The following EPS15 variants were observed in gnomAD, a reference collection of about 807,000 sequenced individuals.
EPS15 encodes the protein epidermal growth factor receptor substrate 15.
Under a neutral mutation model 113.8 loss-of-function variants are expected in EPS15, and 72 were observed. The observed-to-expected ratio is 0.63, with a 90% CI of 0.52 to 0.77. The LOEUF (loss-of-function observed/expected upper bound fraction) is 0.77. Among genes scored for constraint, EPS15 ranks in the 30% least tolerant of loss-of-function variants. The pLI, the probability that EPS15 is intolerant of heterozygous loss-of-function variation, is 0.00. For synonymous variants in EPS15, 344 were observed against 363.4 expected (o/e 0.95, Z 0.61); for missense variants, 1,048 against 1,045.8 (o/e 1.00, Z -0.03).
intron 21 of EPS15, among the ~76,000 whole-genome samples, chr1:51,384,294 CTTTCTTTT>C (rs1647009245): frequency 1.0e-5 from 1 of 98,524 alleles, no homozygotes; most frequent in Non-Finnish European, 2.0e-5. Context: ...CTTTTTCTTT[CTTTCTTTT>C]TTTTTTTTTT....
At chr1:51,451,798 T>G (rs1419500476) in intron 8 of EPS15, among the ~76,000 whole-genome samples, 1 of 152,178 alleles carries the variant, frequency 6.6e-6, no homozygotes, top group African/African-American at 2.4e-5. Flanking sequence ...AAGTTTTCCA[T>G]AACTATCTTT....
chr1:51,471,601 T>C, intron 4 of EPS15, 89 bp downstream of exon 4: 1 of 1,059,220 alleles, frequency 9.4e-7, no homozygotes, highest in Non-Finnish European at 1.4e-6. Context: ...AAAAACCAAT[T>C]CTTGGCTTCA....
chr1:51,479,879 C>G (rs1020108556), intron 2 of EPS15, among the ~76,000 whole-genome samples: 2 of 152,126 alleles, frequency 1.3e-5, no homozygotes, highest in Admixed American at 6.6e-5. Flanking sequence ...CCTAGCCTCA[C>G]GGGTAGTAAA....
rs201374174 is a variant in EPS15, at chr1:51,384,294, C to CTTT, written c.2119+10084_2119+10086dup. Among the ~76,000 whole-genome samples, 635 of 98,360 alleles carry CTTT rather than the reference C, an allele frequency of 6.5e-3. 22 individuals are homozygous for CTTT. Among genetic ancestry groups the CTTT allele is most frequent in the African/African-American group, 0.024 (602 of 24,838 alleles). 64.5% of individuals were successfully genotyped at this position (98,360 alleles called of 152,430 possible). On this transcript the variant is annotated intron_variant, in intron 21 of 24. Coordinates refer to ENST00000371733, the MANE Select transcript of EPS15 (RefSeq NM_001981.3). ...CAAAGCAGTCTTTTTCTTTTTCTTTCTTTCTTTTTTTTTTTTTTTTTTTTG... is the reference window on the plus strand; with the variant it reads ...CAAAGCAGTCTTTTTCTTTTTCTTTCTTTTTTCTTTTTTTTTTTTTTTTTTTTG...
chr1:51,380,164 C>T (rs1026067834), intron 21 of EPS15, among the ~76,000 whole-genome samples: 1 of 151,042 alleles, frequency 6.6e-6, no homozygotes, highest in Non-Finnish European at 1.5e-5. Flanking sequence ...GCAGACGTTG[C>T]AGTGAGCCGA....
Position 51,519,254 on chromosome 1 carries a change from G to T in EPS15, c.-23C>A. 1.5e-6 allele frequency: 2 copies of T among 1,347,760 alleles called. No individual in the cohort carries two copies. The highest frequency in any genetic ancestry group is 2.8e-5 in the Admixed American group (1 of 35,710). The allele number at this position is 1,347,760 out of a possible 1,614,324, so 83.5% of individuals were successfully genotyped here. Reference sequence around the variant, plus strand: ...CATGGTGTTTCCATCATGCAAGGGAGGGGAAGGAAGACGGGCTGACTGGGG... The same window carrying T: ...CATGGTGTTTCCATCATGCAAGGGATGGGAAGGAAGACGGGCTGACTGGGG... On this transcript the variant is annotated 5_prime_UTR_variant, in exon 1 of 25. Coordinates refer to ENST00000371733, the MANE Select transcript of EPS15 (RefSeq NM_001981.3).
intron 20 of EPS15, among the ~76,000 whole-genome samples, chr1:51,398,718 A>G (rs1334142816): frequency 1.3e-5 from 2 of 152,210 alleles, no homozygotes; most frequent in Admixed American, 6.5e-5. Context: ...ACATTTCAGA[A>G]AAGTTTTATG....
chr1:51,478,116 T>G (rs948094464), intron 2 of EPS15, among the ~76,000 whole-genome samples: 7 of 152,226 alleles, frequency 4.6e-5, no homozygotes, highest in Admixed American at 3.3e-4. Context: ...TCTAAGGACT[T>G]GCTTTATGAA....
chr1:51,408,409 ATTTATTTGTTTAG>A, intron 14 of EPS15, 77 bp from the exon 15 acceptor site: 1 of 1,061,098 alleles, frequency 9.4e-7, no homozygotes, highest in South Asian at 1.3e-5. Flanking sequence ...AATGCAATAC[ATTTATTTGTTTAG>A]TTTACTATTT....
In EPS15 at chr1:51,399,729, C is replaced by T. The variant is rs376474908; in HGVS notation, c.1919-564G>A. 5.3e-5 allele frequency among the ~76,000 whole-genome samples: 8 copies of T among 152,062 alleles called. No homozygotes were observed. The East Asian group carries it at 7.7e-4, about 15-fold the overall frequency. On this transcript the variant is annotated intron_variant, in intron 19 of 24. Coordinates refer to ENST00000371733, the MANE Select transcript of EPS15 (RefSeq NM_001981.3). ...CAAAAATTAGCCAGGCGTGGTGGTG[C>T]GCGCCCGTAATCCTGGCTATTCGGG...
chr1:51,397,628 A>G (rs1172988830), intron 20 of EPS15, among the ~76,000 whole-genome samples: 1 of 152,218 alleles, frequency 6.6e-6, no homozygotes, highest in Non-Finnish European at 1.5e-5. Context: ...CAGCCCAGGG[A>G]AACGAAAAAT....
intron 2 of EPS15, among the ~76,000 whole-genome samples, chr1:51,473,853 C>T (rs995654437): frequency 1.3e-5 from 2 of 152,076 alleles, no homozygotes; most frequent in African/African-American, 4.8e-5. Flanking sequence ...TCAAGTGGTA[C>T]AACATGGGAA....
At chr1:51,456,265 T>C (rs1381818856) in intron 8 of EPS15, among the ~76,000 whole-genome samples, 2 of 152,190 alleles carry the variant, frequency 1.3e-5, no homozygotes, top group Non-Finnish European at 2.9e-5. Context: ...TTTTAAAAAA[T>C]CTATACTGAA....
chr1:51,419,543 T>C (rs1055573561), intron 13 of EPS15, among the ~76,000 whole-genome samples: 1 of 152,000 alleles, frequency 6.6e-6, no homozygotes, highest in African/African-American at 2.4e-5. Flanking sequence ...TACTGATAGG[T>C]CAAAATTCCC....
chr1:51,428,470 T>C (rs1247559284), intron 12 of EPS15, among the ~76,000 whole-genome samples: 1 of 151,512 alleles, frequency 6.6e-6, no homozygotes, highest in South Asian at 2.1e-4. Context: ...AAAGATATAG[T>C]TTGTGACATC....
intron 8 of EPS15, 103 bp from the exon 9 acceptor site, chr1:51,448,238 C>A: frequency 1.6e-6 from 1 of 617,472 alleles, no homozygotes; most frequent in Admixed American, 3.1e-5. Context: ...GCTCTCAAAT[C>A]CTTTTTTAAG....
At chr1:51,392,369 T>C (rs1010691696) in intron 21 of EPS15, among the ~76,000 whole-genome samples, 4 of 152,320 alleles carry the variant, frequency 2.6e-5, no homozygotes, top group Admixed American at 2.6e-4. Flanking sequence ...ACTCTGCAAG[T>C]GTTCAATAAA....
rs144495885 is a variant in EPS15, at chr1:51,408,518, T to C, written c.1276-186A>G. Among the ~76,000 whole-genome samples the C allele has an allele frequency of 2.6e-5, 4 of 151,454 alleles. No individual in the cohort carries two copies. In the East Asian group the frequency reaches 7.8e-4, roughly 30 times the overall value. ...GTCTTGCTATGTTGCCCAGGCTGGA[T>C]TCAAACTCCTGGGCTCAAGTGATCC... On this transcript the variant is annotated intron_variant, in intron 14 of 24. Coordinates refer to ENST00000371733, the MANE Select transcript of EPS15 (RefSeq NM_001981.3).
At chr1:51,510,244 T>C (rs1433839474) in intron 1 of EPS15, among the ~76,000 whole-genome samples, 1 of 152,102 alleles carries the variant, frequency 6.6e-6, no homozygotes, top group African/African-American at 2.4e-5. Context: ...TACATAACAA[T>C]AGAGGAATGT....
Sources: gnomAD v4.1 joint callset for allele counts (sites outside exome capture counted in the v4.1 genomes callset) on GRCh38, gnomAD v4.1.1 for gene constraint, MANE v1.5 for transcripts, NCBI Gene and HGNC (gene_info 2026-07-23, HGNC 2026-07-21) for gene names.